Variants in CTNNA2 observed in about 807,000 individuals in gnomAD.
CTNNA2 encodes catenin alpha 2.
Under a neutral mutation model 101.0 loss-of-function variants are expected in CTNNA2, and 42 were observed. The ratio of observed to expected loss-of-function variants is 0.42; its 90% CI spans 0.32 to 0.54. The LOEUF (loss-of-function observed/expected upper bound fraction) is 0.54, where lower values mean the gene tolerates loss of function less well. Ranked by LOEUF, CTNNA2 falls within the 20% of genes least tolerant of loss-of-function variation. The pLI is 0.14. For synonymous variants in CTNNA2, 450 were observed against 456.4 expected, an observed-to-expected ratio of 0.99 and a Z score of 0.18; for missense variants, 871 against 1,223.1, an observed-to-expected ratio of 0.71 and a Z score of 4.29.
chr2:80,338,355 A>T (rs1671941436), intron 7 of CTNNA2, among the ~76,000 whole-genome samples: 1 of 146,114 alleles, frequency 6.8e-6, no homozygotes, highest in Non-Finnish European at 1.5e-5. Flanking sequence ...AGAAAGGATT[A>T]AAAGAGGGAA....
intron 4 of CTNNA2, among the ~76,000 whole-genome samples, chr2:79,476,104 C>T (rs1378437095): frequency 6.6e-6 from 1 of 152,110 alleles, no homozygotes; most frequent in Non-Finnish European, 1.5e-5. Context: ...AGTCCAAGAT[C>T]ACCCAGTGTC....
intron 12 of CTNNA2, among the ~76,000 whole-genome samples, chr2:80,571,889 T>C (rs979574965): frequency 3.9e-5 from 6 of 152,186 alleles, no homozygotes; most frequent in Non-Finnish European, 7.3e-5. Context: ...ATAATTTTCT[T>C]CTTAACTCTT....
At chr2:79,946,139 C>T (rs1688477611) in intron 7 of CTNNA2, among the ~76,000 whole-genome samples, 1 of 151,930 alleles carries the variant, frequency 6.6e-6, no homozygotes, top group African/African-American at 2.4e-5. Flanking sequence ...AAGTCTAATG[C>T]TCTCCCCTCC....
intron 4 of CTNNA2, among the ~76,000 whole-genome samples, chr2:79,385,897 T>C (rs1290471748): frequency 6.6e-6 from 1 of 152,174 alleles, no homozygotes; most frequent in Admixed American, 6.5e-5. Flanking sequence ...TATTTCATGG[T>C]GTATATGTGC....
chr2:79,704,888 A>G (rs990176582), intron 2 of CTNNA2, among the ~76,000 whole-genome samples: 2 of 151,976 alleles, frequency 1.3e-5, no homozygotes, highest in Non-Finnish European at 2.9e-5. Flanking sequence ...CATTTCTACA[A>G]TGAGTGCTAT....
intron 1 of CTNNA2, among the ~76,000 whole-genome samples, chr2:79,578,217 T>G (rs930721756): frequency 6.6e-6 from 1 of 151,954 alleles, no homozygotes; most frequent in Non-Finnish European, 1.5e-5. Context: ...ATTTGGTGTG[T>G]TTTTTTTCCT....
At chr2:80,491,679 C>G (rs1309094670) in intron 9 of CTNNA2, among the ~76,000 whole-genome samples, 1 of 152,118 alleles carries the variant, frequency 6.6e-6, no homozygotes, top group Non-Finnish European at 1.5e-5. Flanking sequence ...TTCAATTTGC[C>G]TGGGAGAGTT....
At chr2:80,012,834 A>G (rs1019492394) in intron 7 of CTNNA2, among the ~76,000 whole-genome samples, 1 of 152,146 alleles carries the variant, frequency 6.6e-6, no homozygotes, top group African/African-American at 2.4e-5. Context: ...GCCTTGTAAG[A>G]TCAGATATTC....
chr2:80,270,688 T>C (rs1160705543), intron 7 of CTNNA2, among the ~76,000 whole-genome samples: 1 of 152,222 alleles, frequency 6.6e-6, no homozygotes, highest in Non-Finnish European at 1.5e-5. Flanking sequence ...TTGAGTGATA[T>C]CATTTTCAAC....
intron 7 of CTNNA2, among the ~76,000 whole-genome samples, chr2:80,295,204 C>T (rs2149188953): frequency 6.7e-6 from 1 of 150,286 alleles, no homozygotes; most frequent in South Asian, 2.1e-4. Flanking sequence ...TGTAGTATGT[C>T]ATTTTGAGAG....
At chr2:80,109,660 G>A (rs1037243491) in intron 7 of CTNNA2, among the ~76,000 whole-genome samples, 2 of 150,608 alleles carry the variant, frequency 1.3e-5, no homozygotes, top group East Asian at 3.9e-4. Flanking sequence ...CCTTCTGTTT[G>A]GCGTGGAAAC....
intron 7 of CTNNA2, among the ~76,000 whole-genome samples, chr2:80,005,294 T>C (rs1574518585): frequency 6.6e-6 from 1 of 152,156 alleles, no homozygotes; most frequent in East Asian, 1.9e-4. Flanking sequence ...TAGAAGGGGA[T>C]TCACATATTT....
chr2:79,576,139 C>T (rs1251531599), intron 1 of CTNNA2, among the ~76,000 whole-genome samples: 1 of 152,176 alleles, frequency 6.6e-6, no homozygotes, highest in African/African-American at 2.4e-5. Context: ...TGTCACCATT[C>T]AGGCTCCAAA....
At chr2:79,311,408 CAA>C (rs753633073) in intron 2 of CTNNA2, among the ~76,000 whole-genome samples, 12 of 67,056 alleles carry the variant, frequency 1.8e-4, no homozygotes, top group Non-Finnish European at 2.1e-4. Context: ...GACTCCGTCT[CAA>C]AAAAAAAAAA....
intron 3 of CTNNA2, among the ~76,000 whole-genome samples, chr2:79,774,956 A>G (rs1673855462): frequency 6.6e-6 from 1 of 152,140 alleles, no homozygotes. Flanking sequence ...ATTAGGGGTC[A>G]TTTTTATCAC....
chr2:79,497,580 T>G (rs1671272441), intron 4 of CTNNA2, among the ~76,000 whole-genome samples: 1 of 152,170 alleles, frequency 6.6e-6, no homozygotes, highest in Non-Finnish European at 1.5e-5. Context: ...CTCCCTTTGG[T>G]GTCCTGCAGT....
At chr2:79,746,290 A>G (rs147767524) in intron 3 of CTNNA2, among the ~76,000 whole-genome samples, 12 of 152,270 alleles carry the variant, frequency 7.9e-5, no homozygotes, top group Non-Finnish European at 1.6e-4. Context: ...GGAGTTCTTT[A>G]TATAGTCTGG....
rs2104454476 is a variant in CTNNA2 at position 79,370,802 on chromosome 2, G to A, written c.-317-3029G>A. Among the ~76,000 whole-genome samples the A allele has an allele frequency of 2.0e-5, 3 of 152,290 alleles. 1 individual carries two copies. The highest frequency in any genetic ancestry group is 7.2e-5 in the African/African-American group (3 of 41,562). ...TGAAATCTTCAAAAATAGAGTCATG[G>A]TTTTATAATTTACAGAGTCCAGATG... On this transcript the variant is annotated intron_variant, in intron 3 of 21. Transcript: ENST00000466387.
At chr2:79,614,378 C>T (rs1678483851) in intron 1 of CTNNA2, among the ~76,000 whole-genome samples, 1 of 151,966 alleles carries the variant, frequency 6.6e-6, no homozygotes, top group South Asian at 2.1e-4. Context: ...TATCAAAAGT[C>T]CTGATATAAA....
Sources: gnomAD v4.1 joint callset for allele counts (sites outside exome capture counted in the v4.1 genomes callset) on GRCh38, gnomAD v4.1.1 for gene constraint, MANE v1.5 for transcripts, NCBI Gene and HGNC (gene_info 2026-07-23, HGNC 2026-07-21) for gene names.